The following AHCY variants were observed in gnomAD, a reference collection of about 807,000 sequenced individuals.
AHCY encodes adenosylhomocysteinase, also known as S-adenosyl-L-homocysteine hydrolase.
A neutral mutation model predicts 45.4 loss-of-function variants in AHCY; 24 were observed. That is an observed-to-expected ratio of 0.53 (90% CI 0.38 to 0.74). The LOEUF (loss-of-function observed/expected upper bound fraction) is 0.74. Ranked by LOEUF, AHCY falls within the 30% of genes least tolerant of loss-of-function variation. AHCY has a pLI of 0.00. For missense variants in AHCY, 449 were observed against 594.1 expected, an observed-to-expected ratio of 0.76 and a Z score of 2.54; for synonymous variants, 245 against 235.1, an observed-to-expected ratio of 1.04 and a Z score of -0.39.
the AHCY span, among the ~76,000 whole-genome samples, chr20:34,246,840 T>G: frequency 6.6e-6 from 1 of 152,154 alleles, no homozygotes; most frequent in Non-Finnish European, 1.5e-5. Flanking sequence ...ACTCTTCTAT[T>G]TATTTCTTTT....
At chr20:34,291,270 C>T (rs771691412) in intron 5 of AHCY, 149 bp downstream of exon 5, 100 of 769,318 alleles carry the variant, frequency 1.3e-4, no homozygotes, top group Non-Finnish European at 1.9e-4. Flanking sequence ...CCCTTTTAAA[C>T]GCACTCATTA....
chr20:34,251,144 C>A, the AHCY span, among the ~76,000 whole-genome samples: 1 of 152,130 alleles, frequency 6.6e-6, no homozygotes, highest in African/African-American at 2.4e-5. Flanking sequence ...TGGGCTTGTA[C>A]AAACTTTCCA....
At chr20:34,289,598 CT>C (rs1370741133) in intron 8 of AHCY, among the ~76,000 whole-genome samples, 1 of 151,736 alleles carries the variant, frequency 6.6e-6, no homozygotes, top group East Asian at 1.9e-4. Context: ...CTGCCTCAGC[CT>C]CCCAAATAGC....
At chr20:34,235,884 A>AG in the AHCY span, among the ~76,000 whole-genome samples, 104 of 95,488 alleles carry the variant, frequency 1.1e-3, no homozygotes, top group African/African-American at 5.4e-3. Context: ...GAAGGAAGGA[A>AG]GGAAGGAAGG....
chr20:34,304,492 G>A (rs1442214518), upstream of AHCY, among the ~76,000 whole-genome samples: 1 of 150,650 alleles, frequency 6.6e-6, no homozygotes, highest in Non-Finnish European at 1.5e-5. Flanking sequence ...TATTTTTATA[G>A]TTATGTTTTT....
chr20:34,300,063 T>C (rs542189500), intron 1 of AHCY, among the ~76,000 whole-genome samples: 23 of 152,250 alleles, frequency 1.5e-4, no homozygotes, highest in African/African-American at 5.5e-4. Context: ...TGGGCACTTA[T>C]AATCCCACCT....
intron 1 of AHCY, among the ~76,000 whole-genome samples, chr20:34,298,609 A>AGG (rs35505406): frequency 1.4e-4 from 12 of 83,104 alleles, no homozygotes; most frequent in Admixed American, 1.7e-4. Context: ...CGGCGGCGGG[A>AGG]GGGGGGGGGG....
rs1334680151 is a variant in AHCY, at chr20:34,290,540, C to T, written c.854+11G>A. On this transcript the variant is annotated intron_variant, in intron 7 of 9. Coordinates refer to ENST00000217426, the MANE Select transcript of AHCY (RefSeq NM_000687.4). This position sits in a 1 kb window ranked among gnomAD's most constrained non-coding sequence, Gnocchi z 4.5. ...TCCCTCACTCCCCGGGACCCCCCAT[C>T]TGGCACCTACCGGCCAAGGATGATG... is the stretch of plus-strand genomic sequence containing the variant. The T allele has an allele frequency of 1.2e-6, 2 of 1,614,154 alleles. No individual in the cohort carries two copies. The highest frequency in any genetic ancestry group is 1.7e-6 in the Non-Finnish European group (2 of 1,179,990).
chr20:34,306,552 A>G (rs565094430), upstream of AHCY, among the ~76,000 whole-genome samples: 7 of 152,232 alleles, frequency 4.6e-5, no homozygotes, highest in African/African-American at 1.4e-4. Context: ...TATTTTTAAT[A>G]GAGACGGTGT....
rs750631711 is a variant in AHCY at position 34,290,969 on chromosome 20, G to A, written c.559-31C>T. ...AGGAAAGGGGGTAAGGAGACAATAG[G>A]GGCAGGCAAGGCCCTGGGGCCAGGA... On this transcript the variant is annotated intron_variant, in intron 5 of 9. Coordinates refer to ENST00000217426, the MANE Select transcript of AHCY (RefSeq NM_000687.4). The surrounding 1 kb of genome is among the most constrained non-coding windows in gnomAD (Gnocchi z 4.5). The A allele has an allele frequency of 3.7e-6, 6 of 1,609,222 alleles. No individual in the cohort carries two copies. Among genetic ancestry groups the A allele is most frequent in the Non-Finnish European group, 5.1e-6 (6 of 1,175,964 alleles).
At chr20:34,242,258 G>A in the AHCY span, among the ~76,000 whole-genome samples, 6 of 150,420 alleles carry the variant, frequency 4.0e-5, no homozygotes, top group East Asian at 1.9e-4. Flanking sequence ...TTTTTGAGAC[G>A]GAGTCTCACT....
At chr20:34,303,151 G>T (rs1050409316) in intron 1 of AHCY, 92 bp downstream of exon 1, 1 of 1,539,144 alleles carries the variant, frequency 6.5e-7, no homozygotes, top group African/African-American at 1.4e-5. Flanking sequence ...AGGGGGTCCA[G>T]AGAGCCCCGA....
chr20:34,293,923 A>G, intron 3 of AHCY, 158 bp downstream of exon 3: 3 of 758,274 alleles, frequency 4.0e-6, no homozygotes. Flanking sequence ...GATGGGACAA[A>G]GCAGCTCTTT....
At chr20:34,291,874 A>G (rs149815621) in intron 4 of AHCY, among the ~76,000 whole-genome samples, 1 of 152,344 alleles carries the variant, frequency 6.6e-6, no homozygotes, top group African/African-American at 2.4e-5. Context: ...TCTCAGAGAA[A>G]TCTTCTCAAC....
chr20:34,280,965 A>T lies in AHCY; in HGVS notation c.*69T>A. On this transcript the variant is annotated 3_prime_UTR_variant, in exon 10 of 10. Coordinates refer to ENST00000217426, the MANE Select transcript of AHCY (RefSeq NM_000687.4). Reference sequence around the variant, plus strand: ...AACCAATCACAAAGTTGGTGCCATTAGCTCTTAGGGAGGAGAGGTGGGGCC... The same window carrying T: ...AACCAATCACAAAGTTGGTGCCATTTGCTCTTAGGGAGGAGAGGTGGGGCC... 1 of 1,606,096 alleles carries T rather than the reference A, an allele frequency of 6.2e-7. No individual in the cohort carries two copies. The highest frequency in any genetic ancestry group is 1.3e-5 in the African/African-American group (1 of 74,942).
chr20:34,292,287 C>T (rs751776523), intron 4 of AHCY, 71 bp downstream of exon 4: 12 of 1,546,366 alleles, frequency 7.8e-6, no homozygotes, highest in South Asian at 1.2e-5. Context: ...GCCAGGCCTG[C>T]GGCCATCATG....
chr20:34,265,972 G>T, the AHCY span, among the ~76,000 whole-genome samples: 1 of 151,906 alleles, frequency 6.6e-6, no homozygotes, highest in Non-Finnish European at 1.5e-5. Context: ...GCGGAGGGGG[G>T]GAAGTTAAAA....
At chr20:34,269,152 C>T in the AHCY span, 2 of 1,543,682 alleles carry the variant, frequency 1.3e-6, no homozygotes. Context: ...GCCGCGTGCT[C>T]AGCCTCAACT....
chr20:34,242,498 G>A, the AHCY span, among the ~76,000 whole-genome samples: 2 of 152,190 alleles, frequency 1.3e-5, no homozygotes, highest in African/African-American at 2.4e-5. Context: ...CTCCCAAAGT[G>A]CTGGGATTAC....
Sources: allele counts gnomAD v4.1 joint callset (sites outside exome capture counted in the v4.1 genomes callset), GRCh38; gene constraint gnomAD v4.1.1; non-coding constraint Gnocchi (gnomAD v3.1); transcripts MANE v1.5; gene names NCBI Gene and HGNC (gene_info 2026-07-23, HGNC 2026-07-21).